The following IL1RAPL2 variants were observed in gnomAD, a reference collection of about 807,000 sequenced individuals.
IL1RAPL2 encodes the protein interleukin 1 receptor accessory protein like 2.
A neutral mutation model predicts 44.1 loss-of-function variants in IL1RAPL2; 3 were observed. That is an observed-to-expected ratio of 0.07 (90% CI 0.03 to 0.18). The LOEUF (loss-of-function observed/expected upper bound fraction) is 0.18, where lower values mean the gene tolerates loss of function less well. Ranked by LOEUF, IL1RAPL2 falls within the 10% of genes least tolerant of loss-of-function variation. The probability of loss-of-function intolerance (pLI) is 1.00; values close to 1 mark genes in which losing one functional copy is unlikely to be tolerated. For missense variants in IL1RAPL2, 391 were observed against 496.4 expected, an observed-to-expected ratio of 0.79 and a Z score of 2.02; for synonymous variants, 181 against 178.8, an observed-to-expected ratio of 1.01 and a Z score of -0.10.
intron 10 of IL1RAPL2, among the ~76,000 whole-genome samples, chrX:105,756,739 A>G (rs1482802055): frequency 9.0e-6 from 1 of 111,045 alleles, no homozygotes; most frequent in Non-Finnish European, 1.9e-5. Context: ...TTTTTTCCCC[A>G]AGGAACATCC....
At chrX:104,638,892 G>A (rs184189993) in intron 1 of IL1RAPL2, among the ~76,000 whole-genome samples, 1 of 112,167 alleles carries the variant, frequency 8.9e-6, no homozygotes, top group East Asian at 2.8e-4. Context: ...CCAAAGTCCA[G>A]TTTAAATATA....
At chrX:104,794,966 A>G (rs922850350) in intron 2 of IL1RAPL2, among the ~76,000 whole-genome samples, 3 of 111,681 alleles carry the variant, frequency 2.7e-5, no homozygotes, top group Non-Finnish European at 3.8e-5. Context: ...CTGTGGGGCC[A>G]TTTTTTATGA....
intron 5 of IL1RAPL2, among the ~76,000 whole-genome samples, chrX:105,475,937 T>A (rs2036195297): frequency 8.9e-6 from 1 of 112,001 alleles, no homozygotes. Context: ...AAATGTGGGA[T>A]CTAGAGAAAA....
intron 5 of IL1RAPL2, among the ~76,000 whole-genome samples, chrX:105,374,803 C>T (rs1400146873): frequency 9.2e-6 from 1 of 108,440 alleles, no homozygotes; most frequent in Non-Finnish European, 1.9e-5. Flanking sequence ...AAAAAATTAG[C>T]CGGGCGCGGT....
intron 5 of IL1RAPL2, among the ~76,000 whole-genome samples, chrX:105,281,697 T>A (rs1243073164): frequency 8.9e-6 from 1 of 111,776 alleles, no homozygotes; most frequent in Non-Finnish European, 1.9e-5. Flanking sequence ...ATAGGCTATA[T>A]CATATAGCCT....
intron 7 of IL1RAPL2, among the ~76,000 whole-genome samples, chrX:105,735,299 C>G (rs781445364): frequency 1.1e-3 from 123 of 110,975 alleles, no homozygotes; most frequent in Non-Finnish European, 2.1e-3. Context: ...CTACCCCTCC[C>G]TCACTTGCCA....
intron 6 of IL1RAPL2, among the ~76,000 whole-genome samples, chrX:105,715,174 T>C (rs983195077): frequency 8.9e-6 from 1 of 111,752 alleles, no homozygotes; most frequent in African/African-American, 3.3e-5. Flanking sequence ...AGCTACAAAG[T>C]TAAATACATA....
chrX:104,623,058 TAAA>T (rs771397489), intron 1 of IL1RAPL2, among the ~76,000 whole-genome samples: 1 of 110,763 alleles, frequency 9.0e-6, no homozygotes, highest in African/African-American at 3.3e-5. Context: ...CATTTTTTTT[TAAA>T]AAAAGTTTTG....
chrX:104,638,988 C>A (rs1357550769), intron 1 of IL1RAPL2, among the ~76,000 whole-genome samples: 2 of 112,334 alleles, frequency 1.8e-5, no homozygotes, highest in Non-Finnish European at 3.8e-5. Context: ...TGCAGTCTAT[C>A]TTTCTTTTTA....
chrX:105,581,692 G>A (rs2037089900), intron 6 of IL1RAPL2, among the ~76,000 whole-genome samples: 1 of 111,047 alleles, frequency 9.0e-6, no homozygotes, highest in South Asian at 3.7e-4. Context: ...TCTAAAATAT[G>A]AATATTATGA....
chrX:105,745,380 C>A (rs1471176067), intron 8 of IL1RAPL2, among the ~76,000 whole-genome samples: 1 of 111,922 alleles, frequency 8.9e-6, no homozygotes, highest in Non-Finnish European at 1.9e-5. Context: ...CACCCCACTT[C>A]TCAGTACCAA....
In IL1RAPL2 at chrX:105,677,852, A is replaced by C. The variant is rs982608010; in HGVS notation, c.773-39515A>C. 1.1e-3 allele frequency among the ~76,000 whole-genome samples: 118 copies of C among 112,136 alleles called. 1 individual carries two copies. The highest frequency in any genetic ancestry group is 3.8e-3 in the African/African-American group (117 of 30,895). ...AAAAAGATTAAATGGAAGTTAAATA[A>C]TGTTCTGATGGAGATTGCAGTGTAG... is the stretch of plus-strand genomic sequence containing the variant. On this transcript the variant is annotated intron_variant, in intron 6 of 10. Coordinates refer to ENST00000372582, the MANE Select transcript of IL1RAPL2 (RefSeq NM_017416.2).
chrX:105,748,986 G>C lies in IL1RAPL2; in HGVS notation c.1075G>C (p.Gly359Arg), dbSNP rs1187949897. The C allele has an allele frequency of 8.3e-7, 1 of 1,209,341 alleles. No individual in the cohort carries two copies. Among genetic ancestry groups the C allele is most frequent in the Non-Finnish European group, 1.1e-6 (1 of 893,838 alleles). ...KDLIYKIELA[G>R]GLGAIFLLLV... ...TTTAATCTATAAAATTGAGCTTGCA[G>C]GGGGCCTGGGAGCAATCTTCCTCCT... Residue 359 changes from glycine to arginine, a missense_variant, in exon 9 of 11, where the codon GGG (glycine) becomes CGG (arginine). Gly to Arg is a moderately radical substitution (Grantham distance 125, BLOSUM62 -2). This residue lies in a region of IL1RAPL2 where 232 missense variants were observed against 244.8 expected (regional missense o/e 0.95). Coordinates refer to ENST00000372582, the MANE Select transcript of IL1RAPL2 (RefSeq NM_017416.2).
intron 1 of IL1RAPL2, among the ~76,000 whole-genome samples, chrX:104,610,599 C>T (rs968498239): frequency 9.0e-6 from 1 of 111,638 alleles, no homozygotes; most frequent in South Asian, 3.8e-4. Context: ...TGAAGGAGAA[C>T]TACAAACCAC....
chrX:105,729,919 AGGAGGGAGGGAGGGAG>A (rs748859504), intron 7 of IL1RAPL2, among the ~76,000 whole-genome samples: 11 of 70,225 alleles, frequency 1.6e-4, no homozygotes, highest in South Asian at 1.1e-3. Flanking sequence ...GAAGGAAGGA[AGGAGGGAGGGAGGGAG>A]GGAAGGAAGG....
intron 5 of IL1RAPL2, among the ~76,000 whole-genome samples, chrX:105,316,501 G>A (rs1321386): frequency 0.22 from 24,203 of 111,072 alleles, 6,414 homozygotes; most frequent in African/African-American, 0.75. Context: ...GGCAGAGAAA[G>A]AGCAGGGTCA....
intron 2 of IL1RAPL2, among the ~76,000 whole-genome samples, chrX:105,104,388 T>C (rs2032710917): frequency 8.9e-6 from 1 of 111,844 alleles, no homozygotes; most frequent in African/African-American, 3.3e-5. Context: ...CAGGAAGGTA[T>C]AAGATCTAAA....
chrX:105,420,113 C>T (rs1235630890), intron 5 of IL1RAPL2, among the ~76,000 whole-genome samples: 1 of 109,677 alleles, frequency 9.1e-6, no homozygotes, highest in African/African-American at 3.3e-5. Flanking sequence ...AAAAGTTAGC[C>T]TGGGAGGGAT....
At chrX:104,586,774 G>C (rs1228904091) in intron 1 of IL1RAPL2, among the ~76,000 whole-genome samples, 1 of 111,895 alleles carries the variant, frequency 8.9e-6, no homozygotes, top group African/African-American at 3.2e-5. Flanking sequence ...TTTTGCTGTG[G>C]AAAAAATCTG....
Sources: allele counts gnomAD v4.1 joint callset (sites outside exome capture counted in the v4.1 genomes callset), GRCh38; gene constraint gnomAD v4.1.1; regional missense constraint gnomAD v4.1.1; transcripts MANE v1.5; gene names NCBI Gene and HGNC (gene_info 2026-07-23, HGNC 2026-07-21).